The following DIP2C variants were observed in gnomAD, a reference collection of about 807,000 sequenced individuals.
DIP2C encodes DIP2 acetate--CoA ligase C (putative).
In DIP2C, 33 loss-of-function variants were observed where a neutral mutation model predicts 192.4. The ratio of observed to expected loss-of-function variants is 0.17; its 90% CI spans 0.13 to 0.23. The LOEUF (loss-of-function observed/expected upper bound fraction) is 0.23. Among genes scored for constraint, DIP2C ranks in the 10% least tolerant of loss-of-function variants. The pLI is 1.00. For missense variants in DIP2C, 1,537 were observed against 2,110.1 expected (o/e 0.73, Z 5.32); for synonymous variants, 979 against 864.1 (o/e 1.13, Z -2.33).
intron 1 of DIP2C, among the ~76,000 whole-genome samples, chr10:554,540 T>C (rs1350695099): frequency 6.6e-6 from 1 of 152,310 alleles, no homozygotes; most frequent in East Asian, 1.9e-4. Flanking sequence ...CCTTGGGCTG[T>C]GAATGGTGCG....
At chr10:511,570 T>C (rs538714464) in intron 1 of DIP2C, among the ~76,000 whole-genome samples, 1 of 152,284 alleles carries the variant, frequency 6.6e-6, no homozygotes, top group South Asian at 2.1e-4. Flanking sequence ...ATTTTACCCA[T>C]AAAGACTTAG....
In DIP2C at chr10:526,869, G is replaced by A. The variant is rs1023994649; in HGVS notation, c.86-40339C>T. Among the ~76,000 whole-genome samples, 7 of 152,306 alleles carry A rather than the reference G, an allele frequency of 4.6e-5. No individual in the cohort carries two copies. In the East Asian group the frequency reaches 5.8e-4, roughly 13 times the overall value. ...CTGAGGCTCTGTCCTGCCAGTCCCC[G>A]GCAGAGTCCCTGGTGCCATCATGGA... On this transcript the variant is annotated intron_variant, in intron 1 of 36. Transcript: ENST00000280886.
chr10:514,951 T>C (rs1395020354), intron 1 of DIP2C, among the ~76,000 whole-genome samples: 1 of 152,196 alleles, frequency 6.6e-6, no homozygotes, highest in Non-Finnish European at 1.5e-5. Context: ...AAACAAGCTT[T>C]TTTTAACTTC....
intron 1 of DIP2C, among the ~76,000 whole-genome samples, chr10:649,081 A>T (rs1216062887): frequency 6.7e-6 from 1 of 149,770 alleles, no homozygotes; most frequent in African/African-American, 2.5e-5. Flanking sequence ...GAACATAGGG[A>T]AACTGAGTCC....
rs759909740 is a variant in DIP2C, at chr10:283,397, C to T, written c.4169G>A (p.Gly1390Glu). ...HNASGYFTIY[G>E]DESLQSDHFN... ...GTGATCTGACTGGAGGGATTCGTCT[C>T]CGTAAATAGTGAAATAACCGCTGGC... Residue 1390 changes from glycine (G) to glutamate (E), a missense_variant, in exon 35 of 37, where the codon GGA becomes GAA. By Grantham distance (98) the Gly-to-Glu change is moderately conservative. Transcript: ENST00000280886. 6.2e-7 allele frequency: 1 copy of T among 1,614,192 alleles called. No individual in the cohort carries two copies. The highest frequency in any genetic ancestry group is 1.1e-5 in the South Asian group (1 of 91,078).
intron 1 of DIP2C, among the ~76,000 whole-genome samples, chr10:605,548 T>A (rs1233271118): frequency 6.6e-6 from 1 of 152,214 alleles, no homozygotes; most frequent in East Asian, 1.9e-4. Flanking sequence ...TTAAGCCGAA[T>A]CTGTGAAACT....
intron 1 of DIP2C, among the ~76,000 whole-genome samples, chr10:518,882 GATC>G (rs1846523746): frequency 6.6e-6 from 1 of 152,158 alleles, no homozygotes; most frequent in South Asian, 2.1e-4. Context: ...GGAAAAGGAG[GATC>G]ATTTTAGACC....
intron 5 of DIP2C, among the ~76,000 whole-genome samples, chr10:422,108 C>G (rs1399875741): frequency 6.6e-6 from 1 of 152,194 alleles, no homozygotes; most frequent in Non-Finnish European, 1.5e-5. Context: ...GTGGCTCGAG[C>G]TCCGTTATCG....
chr10:587,340 G>A (rs533397467), intron 1 of DIP2C, among the ~76,000 whole-genome samples: 10 of 152,356 alleles, frequency 6.6e-5, no homozygotes, highest in South Asian at 2.1e-4. Flanking sequence ...TTCCGCGTCA[G>A]TAAAACGCGG....
At chr10:513,779 T>A (rs916218054) in intron 1 of DIP2C, among the ~76,000 whole-genome samples, 1 of 152,068 alleles carries the variant, frequency 6.6e-6, no homozygotes, top group African/African-American at 2.4e-5. Flanking sequence ...ATCATGTGCA[T>A]GGCAATTTTA....
intron 1 of DIP2C, among the ~76,000 whole-genome samples, chr10:579,073 G>A (rs146331909): frequency 8.5e-5 from 13 of 152,250 alleles, no homozygotes; most frequent in African/African-American, 2.9e-4. Context: ...ATGTGTATGT[G>A]CATAGAGCAT....
chr10:526,503 TTC>T (rs1336488154), intron 1 of DIP2C, among the ~76,000 whole-genome samples: 2 of 150,154 alleles, frequency 1.3e-5, no homozygotes, highest in African/African-American at 4.9e-5. Context: ...TCCGCTGTTT[TTC>T]TGTCACACAC....
At chr10:379,171 G>C (rs888141301) in intron 17 of DIP2C, among the ~76,000 whole-genome samples, 1 of 130,490 alleles carries the variant, frequency 7.7e-6, no homozygotes, top group Non-Finnish European at 1.6e-5. Context: ...GCTGCTGCTG[G>C]CTCCCGAGTG....
intron 29 of DIP2C, among the ~76,000 whole-genome samples, chr10:337,157 C>A (rs1957846382): frequency 9.8e-6 from 1 of 102,030 alleles, no homozygotes; most frequent in Non-Finnish European, 1.9e-5. Context: ...TTGTGGAGGC[C>A]TAGGCTGATG....
At chr10:333,109 G>T (rs972991544) in intron 29 of DIP2C, among the ~76,000 whole-genome samples, 3 of 152,112 alleles carry the variant, frequency 2.0e-5, no homozygotes, top group Non-Finnish European at 4.4e-5. Flanking sequence ...CATCATGTTG[G>T]CCAGGCTGGT....
chr10:409,062 G>A (rs1965007742), intron 8 of DIP2C, 45 bp from the exon 9 acceptor site: 1 of 1,591,472 alleles, frequency 6.3e-7, no homozygotes, highest in Non-Finnish European at 8.6e-7. Flanking sequence ...AAACCATACG[G>A]AGAGCACAGC....
intron 1 of DIP2C, among the ~76,000 whole-genome samples, chr10:594,299 G>A (rs1294518280): frequency 6.6e-6 from 1 of 152,110 alleles, no homozygotes; most frequent in African/African-American, 2.4e-5. Context: ...TAAGAATACT[G>A]CACAACCCCA....
intron 1 of DIP2C, among the ~76,000 whole-genome samples, chr10:556,013 A>G (rs1848837027): frequency 6.6e-6 from 1 of 152,194 alleles, no homozygotes; most frequent in South Asian, 2.1e-4. Context: ...AAATCCTGTT[A>G]CAGTCCAGTC....
chr10:392,788 T>C (rs1252967008), intron 10 of DIP2C, among the ~76,000 whole-genome samples: 1 of 151,308 alleles, frequency 6.6e-6, no homozygotes, highest in Non-Finnish European at 1.5e-5. Context: ...CACGCGCCCA[T>C]GCACACACGC....
Sources: allele counts gnomAD v4.1 joint callset (sites outside exome capture counted in the v4.1 genomes callset), GRCh38; gene constraint gnomAD v4.1.1; transcripts MANE v1.5; gene names NCBI Gene and HGNC (gene_info 2026-07-23, HGNC 2026-07-21).